KCNQ1: variants seen among roughly 807,000 people sequenced by gnomAD.
The protein encoded by KCNQ1 is potassium voltage-gated channel subfamily Q member 1, also known as potassium voltage-gated channel subfamily KQT member 1.
KCNQ1 carries 49 observed loss-of-function variants against 72.4 expected under a neutral mutation model. That is an observed-to-expected ratio of 0.68 (90% confidence interval 0.54 to 0.86). KCNQ1 has a LOEUF of 0.86. Ranked by LOEUF, KCNQ1 falls within the 40% of genes least tolerant of loss-of-function variation. The pLI is 0.00. For synonymous variants in KCNQ1, 450 were observed against 412.6 expected, an observed-to-expected ratio of 1.09 and a Z score of -1.10; for missense variants, 790 against 945.1, an observed-to-expected ratio of 0.84 and a Z score of 2.15.
In KCNQ1 at chr11:2,847,867, G is replaced by A. The variant is rs1848365419; in HGVS notation, c.1895G>A (p.Arg632Lys). Residue 632 changes from arginine to lysine, a missense_variant, in exon 16 of 16, where the codon AGA (arginine) becomes AAA (lysine). Transcript: ENST00000155840. ...GSTPGSGGPPREGGAHITQPC... is the reference protein window; with the variant it reads ...GSTPGSGGPPKEGGAHITQPC... ...ACCCCCGGCAGCGGCGGCCCCCCCA[G>A]AGAGGGCGGGGCCCACATCACCCAG... is the stretch of plus-strand genomic sequence containing the variant. 3 of 1,577,702 alleles carry A rather than the reference G, an allele frequency of 1.9e-6. No individual in the cohort carries two copies. Among genetic ancestry groups the A allele is most frequent in the Non-Finnish European group, 2.6e-6 (3 of 1,161,880 alleles).
chr11:2,682,082 G>A lies in KCNQ1; in HGVS notation c.1514+20001G>A. Reference sequence around the variant, plus strand: ...TAAGGGTTGAGGGATTGAGTCTAGGGCCCAGGGTCACAAAGCTAGGGAGCC... The same window carrying A: ...TAAGGGTTGAGGGATTGAGTCTAGGACCCAGGGTCACAAAGCTAGGGAGCC... On this transcript the variant is annotated intron_variant, in intron 11 of 15. Transcript: ENST00000155840. The surrounding 1 kb of genome is among the most constrained non-coding windows in gnomAD (Gnocchi z 5.8). The A allele has an allele frequency of 2.5e-6, 1 of 398,546 alleles. No homozygotes were observed. The highest frequency in any genetic ancestry group is 4.4e-6 in the Non-Finnish European group (1 of 226,056). The allele number at this position is 398,546 out of a possible 1,614,324, so 24.7% of individuals were successfully genotyped here.
intron 11 of KCNQ1, among the ~76,000 whole-genome samples, chr11:2,730,088 G>A (rs1845827715): frequency 6.6e-6 from 1 of 152,112 alleles, no homozygotes; most frequent in African/African-American, 2.4e-5. Context: ...CGAGTGCGGT[G>A]TGGTTGGCGC....
chr11:2,729,695 G>A (rs1199787853), intron 11 of KCNQ1, among the ~76,000 whole-genome samples: 1 of 152,244 alleles, frequency 6.6e-6, no homozygotes, highest in Non-Finnish European at 1.5e-5. Flanking sequence ...ATGGGAGGAT[G>A]TATGTGGCCT....
At chr11:2,754,450 G>A (rs1846269657) in intron 11 of KCNQ1, among the ~76,000 whole-genome samples, 1 of 152,250 alleles carries the variant, frequency 6.6e-6, no homozygotes, top group African/African-American at 2.4e-5. Flanking sequence ...GATCAAGGAA[G>A]GGCCCTGCCT....
At chr11:2,597,902 G>A (rs183802319) in intron 10 of KCNQ1, among the ~76,000 whole-genome samples, 3 of 152,126 alleles carry the variant, frequency 2.0e-5, no homozygotes, top group African/African-American at 7.2e-5. Context: ...TGATTTTATG[G>A]TCTTCTCTAT....
In KCNQ1 at chr11:2,626,716, A is replaced by G. The variant is rs1483304333; in HGVS notation, c.1394-35245A>G. ...GCCAATTATTTTATTTTTTGTAGAG[A>G]TGAGGTCTCCCTGTGTTCCCCAGGC... On this transcript the variant is annotated intron_variant, in intron 10 of 15. Coordinates refer to ENST00000155840, the MANE Select transcript of KCNQ1 (RefSeq NM_000218.3). The surrounding 1 kb of genome is among the most constrained non-coding windows in gnomAD (Gnocchi z 4.0). 2.5e-6 allele frequency: 1 copy of G among 398,468 alleles called. No individual in the cohort carries two copies. The highest frequency in any genetic ancestry group is 4.4e-6 in the Non-Finnish European group (1 of 226,046). 24.7% of individuals were successfully genotyped at this position (398,468 alleles called of 1,614,324 possible). A position where few individuals can be genotyped will look rare whatever the true frequency, so the allele number is the denominator to read the frequency against.
In KCNQ1 at chr11:2,655,539, G is replaced by A. The variant is rs989777843; in HGVS notation, c.1394-6422G>A. 9.0e-5 allele frequency: 36 copies of A among 398,702 alleles called. No homozygotes were observed. The Admixed American group carries it at 1.2e-3, about 14-fold the overall frequency. 24.7% of individuals were successfully genotyped at this position (398,702 alleles called of 1,614,324 possible). A position where few individuals can be genotyped will look rare whatever the true frequency, so the allele number is the denominator to read the frequency against. ...GTACACCATGGGCTCAACCTTCTCT[G>A]CAGCTGTGAGTTCAGGCTGTGAAAT... On this transcript the variant is annotated intron_variant, in intron 10 of 15. Transcript: ENST00000155840.
chr11:2,457,177 G>A lies in KCNQ1; in HGVS notation c.386+11693G>A, dbSNP rs542199553. ...TGCTGGAGAGGCAGTAGAGAAAGGG[G>A]AACACTTACACCCTGTTGACGGGAG... On this transcript the variant is annotated intron_variant, in intron 1 of 15. Transcript: ENST00000155840. The surrounding 1 kb of genome is among the most constrained non-coding windows in gnomAD (Gnocchi z 5.0). Among the ~76,000 whole-genome samples the A allele has an allele frequency of 2.0e-5, 3 of 152,212 alleles. No homozygotes were observed. The highest frequency in any genetic ancestry group is 2.9e-5 in the Non-Finnish European group (2 of 68,020).
rs1847792900 is a variant in KCNQ1 at position 2,824,155 on chromosome 11, G to T, written c.1795-23612G>T. Among the ~76,000 whole-genome samples the T allele has an allele frequency of 6.6e-6, 1 of 152,040 alleles. No homozygotes were observed. Among genetic ancestry groups the T allele is most frequent in the Non-Finnish European group, 1.5e-5 (1 of 68,014 alleles). On this transcript the variant is annotated intron_variant, in intron 15 of 15. Transcript: ENST00000155840. The surrounding 1 kb of genome is among the most constrained non-coding windows in gnomAD (Gnocchi z 5.9). Reference sequence around the variant, plus strand: ...TTCACACAAACACACCCAGACACATGCATGCACATGGATAACTAACTCTTC... The same window carrying T: ...TTCACACAAACACACCCAGACACATTCATGCACATGGATAACTAACTCTTC...
rs565036562 is a variant in KCNQ1 at position 2,603,429 on chromosome 11, T to C, written c.1393+14575T>C. ...ATCCACAAAGTGCAAAAAAGTGAAG[T>C]GTGCCTGTGTATCCCCAGAGCTGTG... On this transcript the variant is annotated intron_variant, in intron 10 of 15. Coordinates refer to ENST00000155840, the MANE Select transcript of KCNQ1 (RefSeq NM_000218.3). The surrounding 1 kb of genome is among the most constrained non-coding windows in gnomAD (Gnocchi z 4.1). 1.2e-3 allele frequency among the ~76,000 whole-genome samples: 182 copies of C among 152,304 alleles called. 1 individual carries two copies. Among genetic ancestry groups the C allele is most frequent in the African/African-American group, 3.7e-3 (155 of 41,562 alleles).
At chr11:2,804,416 C>T (rs560382367) in intron 15 of KCNQ1, among the ~76,000 whole-genome samples, 180 of 152,354 alleles carry the variant, frequency 1.2e-3, no homozygotes, top group Non-Finnish European at 2.1e-3. Context: ...TAGAACCCCG[C>T]CGCCCTGGGC....
intron 15 of KCNQ1, among the ~76,000 whole-genome samples, chr11:2,805,953 G>GGT (rs1847363134): frequency 6.6e-6 from 1 of 152,200 alleles, no homozygotes; most frequent in African/African-American, 2.4e-5. Flanking sequence ...ATTTATAATA[G>GGT]TGAGAAATTG....
At chr11:2,572,749 G>T (rs1050618093) in intron 5 of KCNQ1, 97 bp from the exon 6 acceptor site, 2 of 1,516,476 alleles carry the variant, frequency 1.3e-6, no homozygotes, top group Non-Finnish European at 1.8e-6. Context: ...GGCGTAGGAC[G>T]CCCAGTGATC....
rs767855965 is a variant in KCNQ1, at chr11:2,809,419, G to A, written c.1794+31382G>A. 2.0e-5 allele frequency among the ~76,000 whole-genome samples: 3 copies of A among 152,146 alleles called. No individual in the cohort carries two copies. The highest frequency in any genetic ancestry group is 1.3e-4 in the Admixed American group (2 of 15,270). On this transcript the variant is annotated intron_variant, in intron 15 of 15. Coordinates refer to ENST00000155840, the MANE Select transcript of KCNQ1 (RefSeq NM_000218.3). The surrounding 1 kb of genome is among the most constrained non-coding windows in gnomAD (Gnocchi z 7.1). Reference sequence around the variant, plus strand: ...CCCCCGCAGCCTCCTGGTGCAGCACGTGTTCATTTATGGGTTGTTGTTACC... The same window carrying A: ...CCCCCGCAGCCTCCTGGTGCAGCACATGTTCATTTATGGGTTGTTGTTACC...
chr11:2,582,231 G>A (rs976073884), intron 6 of KCNQ1, among the ~76,000 whole-genome samples: 9 of 152,196 alleles, frequency 5.9e-5, no homozygotes, highest in Non-Finnish European at 8.8e-5. Context: ...CTCTCTGTCC[G>A]CGTGTGCGCC....
chr11:2,617,617 A>G lies in KCNQ1; in HGVS notation c.1393+28763A>G, dbSNP rs977836791. 1 of 398,324 alleles carries G rather than the reference A, an allele frequency of 2.5e-6. No homozygotes were observed. The highest frequency in any genetic ancestry group is 2.1e-5 in the African/African-American group (1 of 48,608). The allele number at this position is 398,324 out of a possible 1,614,324, so 24.7% of individuals were successfully genotyped here. A position where few individuals can be genotyped will look rare whatever the true frequency, so the allele number is the denominator to read the frequency against. On this transcript the variant is annotated intron_variant, in intron 10 of 15. Coordinates refer to ENST00000155840, the MANE Select transcript of KCNQ1 (RefSeq NM_000218.3). This position sits in a 1 kb window ranked among gnomAD's most constrained non-coding sequence, Gnocchi z 4.6. ...GTGGGTCAGATGATAGTATATTTTC[A>G]ATTTCTTTAGGAGCCACCATTCTGT...
Position 2,772,811 on chromosome 11 carries a change from G to A in KCNQ1, c.1591-3149G>A, listed in dbSNP as rs1443500931. 6.6e-6 allele frequency among the ~76,000 whole-genome samples: 1 copy of A among 152,138 alleles called. No homozygotes were observed. Among genetic ancestry groups the A allele is most frequent in the African/African-American group, 2.4e-5 (1 of 41,434 alleles). ...ACACCTACACCCACCTGGTCACAGT[G>A]GCCCAGAGACTCCTAGGGCTTGGTT... is the stretch of plus-strand genomic sequence containing the variant. On this transcript the variant is annotated intron_variant, in intron 12 of 15. Coordinates refer to ENST00000155840, the MANE Select transcript of KCNQ1 (RefSeq NM_000218.3). The surrounding 1 kb of genome is among the most constrained non-coding windows in gnomAD (Gnocchi z 6.6).
At chr11:2,591,427 C>T (rs556426709) in intron 10 of KCNQ1, among the ~76,000 whole-genome samples, 5 of 152,374 alleles carry the variant, frequency 3.3e-5, no homozygotes, top group Non-Finnish European at 5.9e-5. Flanking sequence ...GACGTGCTCC[C>T]GCCTGCCCGC....
At chr11:2,460,416 A>G (rs1379819861) in intron 1 of KCNQ1, among the ~76,000 whole-genome samples, 1 of 152,172 alleles carries the variant, frequency 6.6e-6, no homozygotes, top group East Asian at 1.9e-4. Flanking sequence ...CCCTGCGGGT[A>G]CAGGTACTTG....
Sources: gnomAD v4.1 joint callset for allele counts (sites outside exome capture counted in the v4.1 genomes callset) on GRCh38, gnomAD v4.1.1 for gene constraint, Gnocchi (gnomAD v3.1) non-coding constraint, MANE v1.5 for transcripts, NCBI Gene and HGNC (gene_info 2026-07-23, HGNC 2026-07-21) for gene names.